Variants in DIS3L2 observed in about 807,000 individuals in gnomAD.
The protein encoded by DIS3L2 is DIS3-like exonuclease 2.
In DIS3L2, 34 loss-of-function variants were observed where a neutral mutation model predicts 97.5. The observed-to-expected ratio is 0.35, with a 90% CI of 0.27 to 0.46. The LOEUF is 0.46. Ranked by LOEUF, DIS3L2 falls within the 20% of genes least tolerant of loss-of-function variation. The pLI is 1.00. For synonymous variants in DIS3L2, 435 were observed against 445.2 expected, an observed-to-expected ratio of 0.98 and a Z score of 0.29; for missense variants, 1,038 against 1,146.0, an observed-to-expected ratio of 0.91 and a Z score of 1.36.
chr2:232,103,216 C>T (rs1328144761), intron 6 of DIS3L2, among the ~76,000 whole-genome samples: 3 of 151,904 alleles, frequency 2.0e-5, no homozygotes, highest in Non-Finnish European at 4.4e-5. Context: ...TTGTCTTTTC[C>T]TTTCTAATTT....
intron 4 of DIS3L2, 117 bp downstream of exon 4, chr2:232,024,447 G>A: frequency 1.3e-6 from 1 of 784,194 alleles, no homozygotes; most frequent in Non-Finnish European, 2.1e-6. Context: ...AATTGACGAT[G>A]GGCAAAGATT....
Position 232,223,878 on chromosome 2 carries a change from A to G in DIS3L2, c.1204+13473A>G, listed in dbSNP as rs182281818. Among the ~76,000 whole-genome samples the G allele has an allele frequency of 4.5e-4, 68 of 152,338 alleles. 1 individual carries two copies. In the East Asian group the frequency reaches 9.4e-3, roughly 21 times the overall value. ...CAAGATGGGAGGATTGCTTGAGTCC[A>G]GGAATTTGAGACCAGCCTTGGCAAC... On this transcript the variant is annotated intron_variant, in intron 10 of 20. Coordinates refer to ENST00000325385, the MANE Select transcript of DIS3L2 (RefSeq NM_152383.5).
intron 13 of DIS3L2, among the ~76,000 whole-genome samples, chr2:232,283,231 C>G (rs924359191): frequency 6.6e-6 from 1 of 152,204 alleles, no homozygotes; most frequent in Non-Finnish European, 1.5e-5. Flanking sequence ...TCAAAACTCA[C>G]ATAGCTAGAG....
intron 14 of DIS3L2, among the ~76,000 whole-genome samples, chr2:232,326,443 C>G (rs114852745): frequency 2.0e-5 from 3 of 152,200 alleles, no homozygotes; most frequent in Non-Finnish European, 2.9e-5. Flanking sequence ...GGGGACCCAC[C>G]TTCCAGCCAC....
At chr2:232,072,551 T>C (rs1696051749) in intron 5 of DIS3L2, among the ~76,000 whole-genome samples, 1 of 152,118 alleles carries the variant, frequency 6.6e-6, no homozygotes, top group Non-Finnish European at 1.5e-5. Context: ...TGTTTCTGGC[T>C]CTGATTGAAG....
rs1694972928 is a variant in DIS3L2, at chr2:232,037,146, T to TC, written c.366+7071dup. On this transcript the variant is annotated intron_variant, in intron 5 of 20. Transcript: ENST00000325385. This position sits in a 1 kb window ranked among gnomAD's most constrained non-coding sequence, Gnocchi z 4.6. ...TGAAGCTGCACCCACATCCGCCCCTTCCCCCAGGTGCTCTGTCCCAGGGAG... is the reference window on the plus strand; with the variant it reads ...TGAAGCTGCACCCACATCCGCCCCTTCCCCCCAGGTGCTCTGTCCCAGGGAG... Among the ~76,000 whole-genome samples the TC allele has an allele frequency of 6.6e-6, 1 of 152,162 alleles. No homozygotes were observed. Among genetic ancestry groups the TC allele is most frequent in the Non-Finnish European group, 1.5e-5 (1 of 68,028 alleles).
chr2:232,099,053 A>T (rs1697118009), intron 6 of DIS3L2, among the ~76,000 whole-genome samples: 2 of 152,286 alleles, frequency 1.3e-5, no homozygotes, highest in South Asian at 4.1e-4. Context: ...TATGATGCGC[A>T]TTCTTCATTG....
intron 5 of DIS3L2, among the ~76,000 whole-genome samples, chr2:232,071,200 G>A (rs1696006509): frequency 6.6e-6 from 1 of 152,178 alleles, no homozygotes; most frequent in African/African-American, 2.4e-5. Context: ...GAAAGAGAGA[G>A]ACAGATCCTG....
At chr2:232,286,180 C>A (rs1694425764) in intron 13 of DIS3L2, among the ~76,000 whole-genome samples, 1 of 152,118 alleles carries the variant, frequency 6.6e-6, no homozygotes, top group Non-Finnish European at 1.5e-5. Context: ...GCCTTGGAAG[C>A]TTTTTTTCAG....
chr2:232,248,703 A>G (rs376911257), intron 11 of DIS3L2, among the ~76,000 whole-genome samples: 3 of 152,228 alleles, frequency 2.0e-5, no homozygotes, highest in East Asian at 1.9e-4. Context: ...ACCTGGATGT[A>G]TGATCCTTTC....
chr2:232,328,549 CA>C (rs1252416052), intron 14 of DIS3L2: 1 of 152,202 alleles, frequency 6.6e-6, no homozygotes, highest in East Asian at 1.9e-4. Context: ...TGACGAGGCT[CA>C]CCCGCAGCAC....
chr2:232,233,517 C>T (rs1328111673), intron 10 of DIS3L2, among the ~76,000 whole-genome samples: 1 of 152,110 alleles, frequency 6.6e-6, no homozygotes, highest in South Asian at 2.1e-4. Context: ...AGTGGGGAGA[C>T]TGGGGGGAGC....
chr2:232,008,587 C>T (rs1694113570), intron 1 of DIS3L2, among the ~76,000 whole-genome samples: 1 of 152,136 alleles, frequency 6.6e-6, no homozygotes, highest in Non-Finnish European at 1.5e-5. Flanking sequence ...ACCCAAGAGA[C>T]TTCTGGGGAT....
intron 13 of DIS3L2, among the ~76,000 whole-genome samples, chr2:232,297,434 C>T (rs1694749476): frequency 6.6e-6 from 1 of 152,150 alleles, no homozygotes. Flanking sequence ...TACTATACTT[C>T]TTGGGTCTAG....
In DIS3L2 at chr2:232,245,059, G is replaced by A. The variant is rs11685284; in HGVS notation, c.1318-4180G>A. Among the ~76,000 whole-genome samples the A allele has an allele frequency of 2.8e-3, 430 of 152,326 alleles. 1 individual carries two copies. The highest frequency in any genetic ancestry group is 4.7e-3 in the Non-Finnish European group (318 of 68,028). ...TTATCCATGTGGTTCACACTGCATA[G>A]CAAAGTTAATGAGGACAAGACAGGA... On this transcript the variant is annotated intron_variant, in intron 11 of 20. Coordinates refer to ENST00000325385, the MANE Select transcript of DIS3L2 (RefSeq NM_152383.5).
chr2:232,321,805 AGGGGGGCCT>A (rs893700709), intron 14 of DIS3L2, among the ~76,000 whole-genome samples: 2 of 151,924 alleles, frequency 1.3e-5, no homozygotes, highest in Admixed American at 1.3e-4. Context: ...CTTTGTTTCC[AGGGGGGCCT>A]GGAAACAAGG....
intron 5 of DIS3L2, among the ~76,000 whole-genome samples, chr2:232,085,342 T>C (rs1282279520): frequency 6.6e-6 from 1 of 152,240 alleles, no homozygotes; most frequent in African/African-American, 2.4e-5. Flanking sequence ...TCTGGCACCA[T>C]GAAAGGGACT....
chr2:232,138,121 G>C (rs1233763851), intron 8 of DIS3L2, among the ~76,000 whole-genome samples: 1 of 152,158 alleles, frequency 6.6e-6, no homozygotes, highest in Non-Finnish European at 1.5e-5. Flanking sequence ...AGTTGTAAGG[G>C]TGTAGTCAGG....
chr2:232,048,929 A>G (rs1695323361), intron 5 of DIS3L2, among the ~76,000 whole-genome samples: 1 of 152,178 alleles, frequency 6.6e-6, no homozygotes, highest in Non-Finnish European at 1.5e-5. Context: ...CTTATATACT[A>G]CAAATATACA....
Sources: allele counts gnomAD v4.1 joint callset (sites outside exome capture counted in the v4.1 genomes callset), GRCh38; gene constraint gnomAD v4.1.1; non-coding constraint Gnocchi (gnomAD v3.1); transcripts MANE v1.5; gene names NCBI Gene and HGNC (gene_info 2026-07-23, HGNC 2026-07-21).